The following NUDCD3 variants were observed in gnomAD, a reference collection of about 807,000 sequenced individuals.
NUDCD3 encodes nudC domain-containing protein 3.
Under a neutral mutation model 39.7 loss-of-function variants are expected in NUDCD3, and 13 were observed. That is an observed-to-expected ratio of 0.33 (90% CI 0.21 to 0.52). NUDCD3 has a LOEUF of 0.52. NUDCD3 is among the 20% of genes least tolerant of loss of function. NUDCD3 has a pLI of 0.96. For synonymous variants in NUDCD3, 175 were observed against 172.4 expected (o/e 1.02, Z -0.12); for missense variants, 453 against 458.1 (o/e 0.99, Z 0.10).
At chr7:44,461,327 C>T (rs1800008844) in intron 2 of NUDCD3, among the ~76,000 whole-genome samples, 1 of 152,228 alleles carries the variant, frequency 6.6e-6, no homozygotes, top group African/African-American at 2.4e-5. Flanking sequence ...GAGCATCTCC[C>T]ACTCTATATG....
chr7:44,469,137 A>C (rs556195260), intron 2 of NUDCD3, among the ~76,000 whole-genome samples: 26 of 150,456 alleles, frequency 1.7e-4, no homozygotes, highest in African/African-American at 6.3e-4. Flanking sequence ...AAAAAAAAAA[A>C]AAAACAGGAG....
intron 2 of NUDCD3, among the ~76,000 whole-genome samples, chr7:44,476,299 G>A (rs1019946242): frequency 3.9e-5 from 6 of 152,208 alleles, no homozygotes; most frequent in Non-Finnish European, 5.9e-5. Flanking sequence ...TGATAGGTGT[G>A]TGAGTGCTAT....
chr7:44,485,072 A>T lies in NUDCD3; in HGVS notation c.405T>A (p.Pro135=). ...DGHQEVEKVQ[P]PGPVKEMAHG... is the part of the protein sequence containing the mutation. ...GGGCCATTTCCTTCACAGGGCCTGG[A>T]GGCTGCACTTTCTCTACTTCCTGAT... is the stretch of plus-strand genomic sequence containing the variant. Residue 135 remains proline (P), a synonymous_variant, in exon 2 of 6, where the codon CCT becomes CCA. Coordinates refer to ENST00000355451, the MANE Select transcript of NUDCD3 (RefSeq NM_015332.4). 6.2e-7 allele frequency: 1 copy of T among 1,614,142 alleles called. No homozygotes were observed. The highest frequency in any genetic ancestry group is 8.5e-7 in the Non-Finnish European group (1 of 1,180,006).
At chr7:44,424,297 T>C (rs983091933) in intron 3 of NUDCD3, among the ~76,000 whole-genome samples, 2 of 151,998 alleles carry the variant, frequency 1.3e-5, no homozygotes, top group African/African-American at 4.8e-5. Context: ...ACAAATGGGA[T>C]CTAATTAAAC....
rs1225173810 is a variant in NUDCD3, at chr7:44,385,959, G to A, written c.*52C>T. On this transcript the variant is annotated 3_prime_UTR_variant, in exon 6 of 6. Coordinates refer to ENST00000355451, the MANE Select transcript of NUDCD3 (RefSeq NM_015332.4). ...ATGCAGGGAGCCAAGAAGGGCAGCC[G>A]AGGATAAGGCTCTGCCTCCCCACCG... 2.5e-5 allele frequency: 23 copies of A among 910,664 alleles called. No individual in the cohort carries two copies. Among genetic ancestry groups the A allele is most frequent in the Middle Eastern group, 2.9e-4 (1 of 3,422 alleles). The allele number at this position is 910,664 out of a possible 1,614,324, so 56.4% of individuals were successfully genotyped here.
At chr7:44,454,454 G>A (rs1022036107) in intron 2 of NUDCD3, among the ~76,000 whole-genome samples, 1 of 152,212 alleles carries the variant, frequency 6.6e-6, no homozygotes, top group Non-Finnish European at 1.5e-5. Context: ...TCAAATTATT[G>A]TTAAATGACT....
chr7:44,395,609 CTAA>C (rs1297040656), intron 4 of NUDCD3, among the ~76,000 whole-genome samples: 3 of 152,350 alleles, frequency 2.0e-5, no homozygotes, highest in South Asian at 2.1e-4. Flanking sequence ...CTGGCAACTA[CTAA>C]TGATTCTGCC....
chr7:44,393,071 C>G (rs1461518423), intron 4 of NUDCD3, among the ~76,000 whole-genome samples: 1 of 152,160 alleles, frequency 6.6e-6, no homozygotes, highest in Non-Finnish European at 1.5e-5. Context: ...GTCCTCACCC[C>G]ATGACAGGGC....
At chr7:44,452,657 C>T (rs954463668) in intron 2 of NUDCD3, among the ~76,000 whole-genome samples, 4 of 152,136 alleles carry the variant, frequency 2.6e-5, no homozygotes, top group Admixed American at 2.6e-4. Context: ...AAAAAATGGT[C>T]ATAAGATCAC....
intron 3 of NUDCD3, among the ~76,000 whole-genome samples, chr7:44,405,635 T>G (rs181723861): frequency 6.6e-6 from 1 of 152,314 alleles, no homozygotes; most frequent in Admixed American, 6.5e-5. Flanking sequence ...TAAACGCTTA[T>G]AAAATGATTG....
At chr7:44,410,134 AT>A (rs1299533703) in intron 3 of NUDCD3, among the ~76,000 whole-genome samples, 3 of 152,216 alleles carry the variant, frequency 2.0e-5, no homozygotes, top group Non-Finnish European at 4.4e-5. Flanking sequence ...CAAATTTGAC[AT>A]GAAAAAAATT....
chr7:44,481,813 C>G (rs1256392969), intron 2 of NUDCD3, among the ~76,000 whole-genome samples: 2 of 152,156 alleles, frequency 1.3e-5, no homozygotes, highest in South Asian at 4.1e-4. Context: ...GGGATGAGTA[C>G]TTTGGGAGGT....
At chr7:44,436,116 A>T (rs548695479) in intron 2 of NUDCD3, among the ~76,000 whole-genome samples, 115 of 152,320 alleles carry the variant, frequency 7.5e-4, no homozygotes, top group South Asian at 2.5e-3. Flanking sequence ...AGAAAAAAAA[A>T]TTTTTTGAGA....
chr7:44,422,074 A>G (rs1799150921), intron 3 of NUDCD3, among the ~76,000 whole-genome samples: 1 of 152,216 alleles, frequency 6.6e-6, no homozygotes, highest in Non-Finnish European at 1.5e-5. Context: ...GAAATAACGA[A>G]GTTCTCTGAA....
intron 2 of NUDCD3, among the ~76,000 whole-genome samples, chr7:44,435,429 G>A (rs1316253157): frequency 6.6e-6 from 1 of 152,094 alleles, no homozygotes. Flanking sequence ...GGGACAATCA[G>A]AAATAAATAA....
intron 2 of NUDCD3, among the ~76,000 whole-genome samples, chr7:44,474,512 T>C (rs1243349685): frequency 6.6e-6 from 1 of 152,172 alleles, no homozygotes; most frequent in Non-Finnish European, 1.5e-5. Flanking sequence ...GAAATACACA[T>C]TTTTCCAGGG....
intron 3 of NUDCD3, 74 bp downstream of exon 3, chr7:44,427,497 C>A (rs1188002591): frequency 4.6e-6 from 7 of 1,522,556 alleles, no homozygotes; most frequent in Non-Finnish European, 5.3e-6. Context: ...CTCAAGGATG[C>A]TGGTGGGTCT....
At chr7:44,462,945 C>CTGTGTGTGTGTGTG (rs3138779) in intron 2 of NUDCD3, among the ~76,000 whole-genome samples, 172 of 146,784 alleles carry the variant, frequency 1.2e-3, no homozygotes, top group African/African-American at 4.2e-3. Flanking sequence ...CACAACCAGG[C>CTGTGTGTGTGTGTG]TGTGTGTGTG....
rs937986198 is a variant in NUDCD3 at position 44,382,938 on chromosome 7, T to G, written c.*3073A>C. On this transcript the variant is annotated 3_prime_UTR_variant, in exon 6 of 6. Transcript: ENST00000355451. ...TTCAGGGGCAAATACGCCTCTCCTTTCTGGCGGGTTATTTCTGGCCCTGGG... is the reference window on the plus strand; with the variant it reads ...TTCAGGGGCAAATACGCCTCTCCTTGCTGGCGGGTTATTTCTGGCCCTGGG... 2.6e-5 allele frequency: 4 copies of G among 152,266 alleles called. No individual in the cohort carries two copies. Among genetic ancestry groups the G allele is most frequent in the Non-Finnish European group, 5.9e-5 (4 of 68,060 alleles). The allele number at this position is 152,266 out of a possible 1,614,324, so 9.4% of individuals were successfully genotyped here.
Sources: gnomAD v4.1 joint callset for allele counts (sites outside exome capture counted in the v4.1 genomes callset) on GRCh38, gnomAD v4.1.1 for gene constraint, MANE v1.5 for transcripts, NCBI Gene and HGNC (gene_info 2026-07-23, HGNC 2026-07-21) for gene names.